The following GALNT1 variants were observed in gnomAD, a reference collection of about 807,000 sequenced individuals.
The protein encoded by GALNT1 is GalNAc transferase 1.
Under a neutral mutation model 65.7 loss-of-function variants are expected in GALNT1, and 17 were observed. That is an observed-to-expected ratio of 0.26 (90% CI 0.18 to 0.39). GALNT1 has a LOEUF of 0.39. GALNT1 is among the 10% of genes least tolerant of loss of function. The probability of loss-of-function intolerance (pLI) is 1.00; values close to 1 mark genes in which losing one functional copy is unlikely to be tolerated. For synonymous variants in GALNT1, 210 were observed against 219.7 expected (o/e 0.96, Z 0.39); for missense variants, 460 against 672.8 (o/e 0.68, Z 3.50).
Position 35,679,706 on chromosome 18 carries a change from G to A in GALNT1, c.481+1949G>A, listed in dbSNP as rs559971420. On this transcript the variant is annotated intron_variant, in intron 4 of 11. Coordinates refer to ENST00000269195, the MANE Select transcript of GALNT1 (RefSeq NM_020474.4). ...CATTTCCGGTATCTGGGAGACAGTA[G>A]ATCTTTGTTTTTGTGGTTATAATTT... 5.9e-5 allele frequency among the ~76,000 whole-genome samples: 9 copies of A among 151,996 alleles called. 1 individual carries two copies. The East Asian group carries it at 1.7e-3, about 29-fold the overall frequency.
intron 9 of GALNT1, among the ~76,000 whole-genome samples, chr18:35,698,268 G>A (rs1005563057): frequency 1.3e-5 from 2 of 152,030 alleles, no homozygotes; most frequent in African/African-American, 2.4e-5. Flanking sequence ...AGGAGTTCGA[G>A]ACCAGCCTGG....
Position 35,690,361 on chromosome 18 carries a change from C to T in GALNT1, c.979-651C>T, listed in dbSNP as rs373461841. On this transcript the variant is annotated intron_variant, in intron 7 of 11. Coordinates refer to ENST00000269195, the MANE Select transcript of GALNT1 (RefSeq NM_020474.4). ...GTTTGGAGAGGGGTGAACAGATGAG[C>T]ATCTGGCTGGTTACTCCATGGTCAG... Among the ~76,000 whole-genome samples, 6 of 152,260 alleles carry T rather than the reference C, an allele frequency of 3.9e-5. No individual in the cohort carries two copies. In the South Asian group the frequency reaches 8.3e-4, roughly 21 times the overall value.
At chr18:35,660,878 T>C (rs2047468866) in intron 2 of GALNT1, among the ~76,000 whole-genome samples, 1 of 152,186 alleles carries the variant, frequency 6.6e-6, no homozygotes, top group Non-Finnish European at 1.5e-5. Context: ...AACTTTTGAT[T>C]AATGATAATT....
At chr18:35,619,577 A>T (rs973635739) in intron 1 of GALNT1, among the ~76,000 whole-genome samples, 7 of 152,182 alleles carry the variant, frequency 4.6e-5, no homozygotes, top group Non-Finnish European at 8.8e-5. Flanking sequence ...ATTTCCATTT[A>T]GTCTGCAAAT....
intron 1 of GALNT1, among the ~76,000 whole-genome samples, chr18:35,619,956 A>AGTCTT (rs1252714287): frequency 2.0e-5 from 3 of 152,156 alleles, no homozygotes; most frequent in East Asian, 1.9e-4. Context: ...CTCTCCTCTG[A>AGTCTT]GTCTTGTCTT....
At chr18:35,707,373 C>G (rs1353340485) in intron 11 of GALNT1, among the ~76,000 whole-genome samples, 1 of 152,188 alleles carries the variant, frequency 6.6e-6, no homozygotes, top group Non-Finnish European at 1.5e-5. Context: ...TAGTCCAGCT[C>G]TCTCTGAATG....
intron 1 of GALNT1, among the ~76,000 whole-genome samples, chr18:35,641,533 ACAC>A (rs1317957611): frequency 6.6e-6 from 1 of 152,186 alleles, no homozygotes; most frequent in Non-Finnish European, 1.5e-5. Context: ...ACACAAAACA[ACAC>A]ATCTAGTAGA....
At chr18:35,646,271 T>G (rs2144332384) in intron 1 of GALNT1, among the ~76,000 whole-genome samples, 1 of 152,268 alleles carries the variant, frequency 6.6e-6, no homozygotes, top group East Asian at 1.9e-4. Context: ...GCCCCCATGA[T>G]CCTTTTACCT....
At chr18:35,692,084 C>T in intron 8 of GALNT1, 97 bp from the exon 9 acceptor site, 1 of 1,052,664 alleles carries the variant, frequency 9.5e-7, no homozygotes. Context: ...CAGCTGATAC[C>T]ACTGTTCTGA....
chr18:35,628,831 C>T (rs1440084757), intron 1 of GALNT1, among the ~76,000 whole-genome samples: 1 of 152,082 alleles, frequency 6.6e-6, no homozygotes, highest in Non-Finnish European at 1.5e-5. Flanking sequence ...AAAGATTAGA[C>T]GAATGGCTAA....
At chr18:35,617,884 A>G (rs1203403345) in intron 1 of GALNT1, among the ~76,000 whole-genome samples, 1 of 152,208 alleles carries the variant, frequency 6.6e-6, no homozygotes, top group East Asian at 1.9e-4. Flanking sequence ...CCTTAAAAAA[A>G]TAAAAACAAT....
intron 1 of GALNT1, among the ~76,000 whole-genome samples, chr18:35,588,845 T>C (rs1436624549): frequency 6.6e-6 from 1 of 152,242 alleles, no homozygotes; most frequent in Non-Finnish European, 1.5e-5. Flanking sequence ...AGCATGTCTA[T>C]CACAGCTGCT....
At chr18:35,662,997 T>C (rs1460598459) in intron 2 of GALNT1, among the ~76,000 whole-genome samples, 1 of 152,140 alleles carries the variant, frequency 6.6e-6, no homozygotes, top group Non-Finnish European at 1.5e-5. Flanking sequence ...GTTAGAGACA[T>C]AAGAACCCTG....
chr18:35,649,503 T>TA (rs2047281882), intron 1 of GALNT1, among the ~76,000 whole-genome samples: 1 of 152,350 alleles, frequency 6.6e-6, no homozygotes, highest in African/African-American at 2.4e-5. Flanking sequence ...TGCTCTTTAT[T>TA]TTCTTTCAAA....
At chr18:35,663,289 A>G (rs1007786735) in intron 2 of GALNT1, among the ~76,000 whole-genome samples, 2 of 152,118 alleles carry the variant, frequency 1.3e-5, no homozygotes, top group African/African-American at 2.4e-5. Flanking sequence ...ATTAGGTTCA[A>G]TTCCCCATTA....
intron 1 of GALNT1, among the ~76,000 whole-genome samples, chr18:35,627,923 C>A (rs535400658): frequency 2.6e-5 from 4 of 151,560 alleles, no homozygotes; most frequent in Non-Finnish European, 4.4e-5. Context: ...GAGATTATAT[C>A]CCGTGCCTGG....
chr18:35,581,797 C>T lies in GALNT1; in HGVS notation c.-169C>T, dbSNP rs2046320628. ...CGAGAGTAGCGCGCTGGCCGCGGGA[C>T]CGGCCGCGACCGCCGCGGCCGGCCC... On this transcript the variant is annotated 5_prime_UTR_variant, in exon 1 of 12. Coordinates refer to ENST00000269195, the MANE Select transcript of GALNT1 (RefSeq NM_020474.4). 1.3e-3 allele frequency: 1 copy of T among 788 alleles called. No homozygotes were observed. The highest frequency in any genetic ancestry group is 0.014 in the Non-Finnish European group (1 of 72). The allele number at this position is 788 out of a possible 1,614,324, so 0.0% of individuals were successfully genotyped here.
At chr18:35,671,609 G>C (rs140076161) in intron 3 of GALNT1, among the ~76,000 whole-genome samples, 44 of 152,178 alleles carry the variant, frequency 2.9e-4, no homozygotes, top group African/African-American at 1.0e-3. Flanking sequence ...CATAAAGTTT[G>C]ACTTAATAAA....
At chr18:35,696,060 T>G (rs1457431497) in intron 9 of GALNT1, among the ~76,000 whole-genome samples, 1 of 152,230 alleles carries the variant, frequency 6.6e-6, no homozygotes, top group African/African-American at 2.4e-5. Context: ...AGCTGGCTTC[T>G]GGGCAAGTCG....
Sources: gnomAD v4.1 joint callset for allele counts (sites outside exome capture counted in the v4.1 genomes callset) on GRCh38, gnomAD v4.1.1 for gene constraint, MANE v1.5 for transcripts, NCBI Gene and HGNC (gene_info 2026-07-23, HGNC 2026-07-21) for gene names.